OSBPL9: variants seen among roughly 807,000 people sequenced by gnomAD.
OSBPL9 encodes the protein oxysterol-binding protein-related protein 9.
In OSBPL9, 40 loss-of-function variants were observed where a neutral mutation model predicts 106.6. The observed-to-expected ratio is 0.38, with a 90% CI of 0.29 to 0.49. The LOEUF (loss-of-function observed/expected upper bound fraction) is 0.49. OSBPL9 is among the 20% of genes least tolerant of loss of function. OSBPL9 has a pLI of 0.97. For missense variants in OSBPL9, 609 were observed against 887.2 expected (o/e 0.69, Z 3.98); for synonymous variants, 269 against 295.4 (o/e 0.91, Z 0.92).
At chr1:51,579,771 C>T (rs967657034) in intron 1 of OSBPL9, among the ~76,000 whole-genome samples, 2 of 151,614 alleles carry the variant, frequency 1.3e-5, no homozygotes, top group African/African-American at 4.9e-5. Flanking sequence ...GGAGGGTCAC[C>T]TGAGCCCAGA....
intron 2 of OSBPL9, among the ~76,000 whole-genome samples, chr1:51,666,299 G>C (rs1441255964): frequency 6.6e-6 from 1 of 152,202 alleles, no homozygotes; most frequent in African/African-American, 2.4e-5. Context: ...GCTCCTCTCT[G>C]AAAGCAATGT....
At chr1:51,641,782 C>T (rs1045208966) in intron 1 of OSBPL9, among the ~76,000 whole-genome samples, 4 of 152,028 alleles carry the variant, frequency 2.6e-5, no homozygotes, top group African/African-American at 4.8e-5. Context: ...CTGGGAGCAC[C>T]GGGTCAATGC....
At chr1:51,521,404 G>A in the OSBPL9 span, among the ~76,000 whole-genome samples, 2 of 152,170 alleles carry the variant, frequency 1.3e-5, no homozygotes, top group African/African-American at 4.8e-5. Context: ...AGATGAATAA[G>A]GTGGAAACCC....
intron 4 of OSBPL9, chr1:51,740,250 C>T (rs375471773): frequency 1.4e-6 from 2 of 1,478,108 alleles, no homozygotes; most frequent in Admixed American, 5.4e-5. Context: ...ATACTTCTTT[C>T]ATTGGATGAA....
intron 3 of OSBPL9, among the ~76,000 whole-genome samples, chr1:51,681,720 C>G (rs937606168): frequency 6.6e-6 from 1 of 152,044 alleles, no homozygotes; most frequent in Admixed American, 6.6e-5. Context: ...TTCCAGGACC[C>G]CCACTCCCCA....
At chr1:51,676,179 C>T (rs1461437718) in intron 3 of OSBPL9, among the ~76,000 whole-genome samples, 3 of 152,090 alleles carry the variant, frequency 2.0e-5, no homozygotes, top group African/African-American at 7.2e-5. Flanking sequence ...AGAGGCCGGG[C>T]ACTTTGGGAG....
intron 1 of OSBPL9, among the ~76,000 whole-genome samples, chr1:51,579,972 C>G (rs542064777): frequency 4.1e-4 from 63 of 152,194 alleles, no homozygotes; most frequent in African/African-American, 1.2e-3. Flanking sequence ...GTGTTTCTGT[C>G]TCCACCGTCC....
At chr1:51,703,645 T>G (rs1657800023) in intron 3 of OSBPL9, among the ~76,000 whole-genome samples, 2 of 152,340 alleles carry the variant, frequency 1.3e-5, no homozygotes, top group South Asian at 2.1e-4. Context: ...TTCTCCTGCC[T>G]GATTGCCCTG....
chr1:51,557,639 T>C, the OSBPL9 span, among the ~76,000 whole-genome samples: 1 of 152,182 alleles, frequency 6.6e-6, no homozygotes, highest in African/African-American at 2.4e-5. Flanking sequence ...CTATCCCACT[T>C]GAGTAATAAC....
At chr1:51,699,551 C>G (rs1413667727) in intron 3 of OSBPL9, among the ~76,000 whole-genome samples, 1 of 152,084 alleles carries the variant, frequency 6.6e-6, no homozygotes, top group Non-Finnish European at 1.5e-5. Context: ...CAGAGGAATC[C>G]TATTTAAGCT....
chr1:51,546,959 G>A, the OSBPL9 span, among the ~76,000 whole-genome samples: 47 of 152,264 alleles, frequency 3.1e-4, no homozygotes, highest in African/African-American at 1.0e-3. Flanking sequence ...AATCAGCAAC[G>A]TACTATCCTT....
chr1:51,613,966 T>G (rs1644007370), upstream of OSBPL9, among the ~76,000 whole-genome samples: 1 of 152,104 alleles, frequency 6.6e-6, no homozygotes, highest in Non-Finnish European at 1.5e-5. Flanking sequence ...TGTTCTTTGT[T>G]GCTCAGGAGT....
Position 51,784,041 on chromosome 1 carries a change from T to TA in OSBPL9, c.1624+16_1624+17insA, listed in dbSNP as rs1677018531. 1 of 1,574,630 alleles carries TA rather than the reference T, an allele frequency of 6.4e-7. No individual in the cohort carries two copies. The highest frequency in any genetic ancestry group is 8.7e-7 in the Non-Finnish European group (1 of 1,145,028). Reference sequence around the variant, plus strand: ...ATAGGGCAGGGTAAGTGTGTTGGCATTGGGTGGACTACAATGTTATAGGAG... The same window carrying TA: ...ATAGGGCAGGGTAAGTGTGTTGGCATATGGGTGGACTACAATGTTATAGGAG... On this transcript the variant is annotated intron_variant, in intron 18 of 23. Transcript: ENST00000428468.
the OSBPL9 span, among the ~76,000 whole-genome samples, chr1:51,543,316 T>G: frequency 6.6e-6 from 1 of 152,240 alleles, no homozygotes; most frequent in African/African-American, 2.4e-5. Flanking sequence ...GCATATAATC[T>G]TCTTAATCCT....
chr1:51,626,409 A>G (rs1474362075), intron 1 of OSBPL9, among the ~76,000 whole-genome samples: 1 of 151,938 alleles, frequency 6.6e-6, no homozygotes. Flanking sequence ...CTTCCTCACT[A>G]CAGATTTTTC....
intron 2 of OSBPL9, among the ~76,000 whole-genome samples, chr1:51,655,317 G>T (rs1213094483): frequency 6.6e-6 from 1 of 152,012 alleles, no homozygotes; most frequent in Non-Finnish European, 1.5e-5. Context: ...TTTGTTTTTT[G>T]TTTTTTGTTG....
rs1026287493 is a variant in OSBPL9, at chr1:51,729,798, G to T, written c.318+15719G>T. ...CGACCCCTCCGCCGGGGAGGGGACG[G>T]GAAAGGGGTGGGGGGTGAAGGGGGT... On this transcript the variant is annotated intron_variant, in intron 4 of 23. Coordinates refer to ENST00000428468, the MANE Select transcript of OSBPL9 (RefSeq NM_024586.6). The surrounding 1 kb of genome is among the most constrained non-coding windows in gnomAD (Gnocchi z 5.1). 1 of 1,236,012 alleles carries T rather than the reference G, an allele frequency of 8.1e-7. No homozygotes were observed. Among genetic ancestry groups the T allele is most frequent in the South Asian group, 4.3e-5 (1 of 23,454 alleles). 76.6% of individuals were successfully genotyped at this position (1,236,012 alleles called of 1,614,324 possible).
At chr1:51,635,382 A>G (rs1645366384) in intron 1 of OSBPL9, among the ~76,000 whole-genome samples, 1 of 152,082 alleles carries the variant, frequency 6.6e-6, no homozygotes, top group Non-Finnish European at 1.5e-5. Context: ...GTCTCAGAAA[A>G]AGGTGTTTGC....
At chr1:51,535,159 C>G in the OSBPL9 span, among the ~76,000 whole-genome samples, 2 of 152,194 alleles carry the variant, frequency 1.3e-5, no homozygotes, top group African/African-American at 2.4e-5. Context: ...ATAAAACCAC[C>G]AAATTGCGTG....
Sources: allele counts gnomAD v4.1 joint callset (sites outside exome capture counted in the v4.1 genomes callset), GRCh38; gene constraint gnomAD v4.1.1; non-coding constraint Gnocchi (gnomAD v3.1); transcripts MANE v1.5; gene names NCBI Gene and HGNC (gene_info 2026-07-23, HGNC 2026-07-21).